SMIM7: variants seen among roughly 807,000 people sequenced by gnomAD.
The protein encoded by SMIM7 is UPF0608 protein C19orf42.
SMIM7 carries 12 observed loss-of-function variants against 13.3 expected under a neutral mutation model. The ratio of observed to expected loss-of-function variants is 0.90; its 90% CI spans 0.58 to 1.46. The LOEUF (loss-of-function observed/expected upper bound fraction) is 1.46, where lower values mean the gene tolerates loss of function less well. SMIM7 is among the 40% of genes most tolerant of loss of function. The probability of loss-of-function intolerance (pLI) is 0.00; values close to 1 mark genes in which losing one functional copy is unlikely to be tolerated. For synonymous variants in SMIM7, 36 were observed against 35.8 expected (o/e 1.01, Z -0.02); for missense variants, 114 against 94.8 (o/e 1.20, Z -0.84).
chr19:16,658,148 A>G (rs1662069645), intron 3 of SMIM7, among the ~76,000 whole-genome samples: 1 of 151,834 alleles, frequency 6.6e-6, no homozygotes, highest in Non-Finnish European at 1.5e-5. Context: ...TCCCTTCCAC[A>G]CCCCAGCAGG....
downstream of SMIM7, among the ~76,000 whole-genome samples, chr19:16,643,706 T>G (rs2086421664): frequency 6.6e-6 from 1 of 152,154 alleles, no homozygotes; most frequent in Non-Finnish European, 1.5e-5. Flanking sequence ...CTAAAAAATT[T>G]TTTCAAGCAA....
chr19:16,645,863 T>C (rs768262707), downstream of SMIM7: 2 of 152,048 alleles, frequency 1.3e-5, no homozygotes, highest in African/African-American at 2.4e-5. Context: ...GATTTCACCA[T>C]GTTGGCCAGG....
chr19:16,633,420 C>T (rs897149530), intron 4 of SMIM7, among the ~76,000 whole-genome samples: 1 of 142,888 alleles, frequency 7.0e-6, no homozygotes, highest in East Asian at 2.1e-4. Context: ...GGTGCCATTA[C>T]ACTCCAGCCT....
Position 16,660,069 on chromosome 19 carries a change from T to C in SMIM7, c.26+16A>G. The C allele has an allele frequency of 6.2e-7, 1 of 1,614,198 alleles. No homozygotes were observed. Among genetic ancestry groups the C allele is most frequent in the Non-Finnish European group, 8.5e-7 (1 of 1,180,016 alleles). ...TGCCTGGCTCTCTCTTCCCAGCCTC[T>C]GGTCCCCCTAATTACCCGAACAGCA... is the stretch of plus-strand genomic sequence containing the variant. On this transcript the variant is annotated intron_variant, in intron 1 of 4. Transcript: ENST00000487416.
chr19:16,641,637 C>T (rs1004316602), downstream of SMIM7, among the ~76,000 whole-genome samples: 4 of 151,726 alleles, frequency 2.6e-5, no homozygotes, highest in South Asian at 2.1e-4. Flanking sequence ...CTAGCTCTGT[C>T]GTCCAGGCTG....
chr19:16,659,917 G>T (rs780833755), intron 2 of SMIM7, 42 bp downstream of exon 2: 5 of 1,587,928 alleles, frequency 3.1e-6, no homozygotes, highest in Admixed American at 3.5e-5. Context: ...CGGGGCTACG[G>T]GTTCCCCGGA....
intron 4 of SMIM7, chr19:16,640,637 T>C (rs1350392082): frequency 6.6e-6 from 1 of 152,192 alleles, no homozygotes. Context: ...TTCGTCTAAC[T>C]ATCAAGAGAA....
Position 16,660,017 on chromosome 19 carries a change from A to G in SMIM7, c.27-17T>C, listed in dbSNP as rs368863801. 1.5e-5 allele frequency: 24 copies of G among 1,613,978 alleles called. No individual in the cohort carries two copies. In the African/African-American group the frequency reaches 2.8e-4, roughly 19 times the overall value. Reference sequence around the variant, plus strand: ...AGCAACGTCCTGCAGAGGGAGAATTACAGTTACTAGGGGCGCCCCCGCGTC... The same window carrying G: ...AGCAACGTCCTGCAGAGGGAGAATTGCAGTTACTAGGGGCGCCCCCGCGTC... On this transcript the variant is annotated splice_polypyrimidine_tract_variant and intron_variant, in intron 1 of 4. Transcript: ENST00000487416.
intron 3 of SMIM7, among the ~76,000 whole-genome samples, chr19:16,656,598 G>GT (rs950384794): frequency 1.0e-4 from 15 of 150,636 alleles, no homozygotes; most frequent in African/African-American, 3.7e-4. Context: ...AGGGTGGGAG[G>GT]TAAAAAAAAA....
intron 4 of SMIM7, among the ~76,000 whole-genome samples, chr19:16,648,655 C>T (rs1311113893): frequency 6.6e-6 from 1 of 152,088 alleles, no homozygotes; most frequent in Non-Finnish European, 1.5e-5. Context: ...GGACAAATGG[C>T]CAATAGGTAC....
intron 4 of SMIM7, among the ~76,000 whole-genome samples, chr19:16,639,259 A>G (rs2086386097): frequency 6.6e-6 from 1 of 150,798 alleles, no homozygotes; most frequent in African/African-American, 2.4e-5. Context: ...AGTAGCTGGG[A>G]TTATAGGCGC....
At chr19:16,632,316 G>T (rs556454422) in intron 4 of SMIM7, among the ~76,000 whole-genome samples, 1 of 151,962 alleles carries the variant, frequency 6.6e-6, no homozygotes, top group Admixed American at 6.6e-5. Flanking sequence ...ATTTAAATTG[G>T]TTTTGACTAA....
intron 4 of SMIM7, among the ~76,000 whole-genome samples, chr19:16,632,262 G>T (rs922778556): frequency 4.6e-5 from 7 of 152,040 alleles, no homozygotes; most frequent in African/African-American, 1.7e-4. Flanking sequence ...TCATAGTTCT[G>T]CTTGGCTTTG....
downstream of SMIM7, chr19:16,645,516 A>T (rs551488799): frequency 3.3e-5 from 5 of 152,308 alleles, no homozygotes; most frequent in East Asian, 9.6e-4. Context: ...AAGGAAATGA[A>T]TTGCAGAAGT....
chr19:16,647,469 T>C (rs2086464092), intron 4 of SMIM7, among the ~76,000 whole-genome samples: 1 of 151,568 alleles, frequency 6.6e-6, no homozygotes, highest in Non-Finnish European at 1.5e-5. Flanking sequence ...CTCTTTTTTT[T>C]TTTTTAGACA....
intron 4 of SMIM7, chr19:16,639,945 G>C (rs1009373943): frequency 6.6e-6 from 1 of 151,836 alleles, no homozygotes; most frequent in African/African-American, 2.4e-5. Flanking sequence ...GCAATCTTTC[G>C]GTTTTTTGTT....
intron 3 of SMIM7, among the ~76,000 whole-genome samples, chr19:16,654,361 G>T (rs1444296293): frequency 6.6e-6 from 1 of 152,086 alleles, no homozygotes; most frequent in East Asian, 1.9e-4. Flanking sequence ...TCAAGAAGGG[G>T]CATGTGACCC....
intron 4 of SMIM7, chr19:16,652,992 A>T (rs958087279): frequency 1.9e-6 from 3 of 1,549,678 alleles, no homozygotes; most frequent in Non-Finnish European, 1.7e-6. Flanking sequence ...CAGAATTTAA[A>T]ACAATAAAGT....
intron 3 of SMIM7, among the ~76,000 whole-genome samples, chr19:16,654,406 T>TC (rs1303512147): frequency 1.3e-5 from 2 of 152,218 alleles, no homozygotes; most frequent in Middle Eastern, 3.4e-3. Context: ...CTGGGACTTT[T>TC]CCCCCAACTA....
Sources: gnomAD v4.1 joint callset for allele counts (sites outside exome capture counted in the v4.1 genomes callset) on GRCh38, gnomAD v4.1.1 for gene constraint, MANE v1.5 for transcripts, NCBI Gene and HGNC (gene_info 2026-07-23, HGNC 2026-07-21) for gene names.